Variants in WDR70 observed in about 807,000 individuals in gnomAD.
The protein encoded by WDR70 is WD repeat domain 70.
In WDR70, 53 loss-of-function variants were observed where a neutral mutation model predicts 88.6. The observed-to-expected ratio is 0.60, with a 90% CI of 0.48 to 0.75. WDR70 has a LOEUF of 0.75. Among genes scored for constraint, WDR70 ranks in the 30% least tolerant of loss-of-function variants. WDR70 has a pLI of 0.00. For synonymous variants in WDR70, 280 were observed against 270.0 expected (o/e 1.04, Z -0.36); for missense variants, 610 against 823.2 (o/e 0.74, Z 3.17).
chr5:37,613,825 A>G (rs533776110), intron 10 of WDR70, among the ~76,000 whole-genome samples: 3 of 152,330 alleles, frequency 2.0e-5, no homozygotes, highest in South Asian at 4.1e-4. Context: ...AAAAAAATCC[A>G]GAAACAAAGA....
At chr5:37,414,086 G>C (rs1428266785) in intron 5 of WDR70, among the ~76,000 whole-genome samples, 2 of 150,234 alleles carry the variant, frequency 1.3e-5, no homozygotes, top group Non-Finnish European at 3.0e-5. Flanking sequence ...CGGAGGTTGC[G>C]GTGAGCCTTG....
chr5:37,490,439 C>T (rs917714057), intron 8 of WDR70, among the ~76,000 whole-genome samples: 4 of 152,102 alleles, frequency 2.6e-5, no homozygotes, highest in African/African-American at 9.7e-5. Context: ...CAGGCAGATA[C>T]ATCTCAGTCT....
chr5:37,541,122 C>T (rs571308274), intron 9 of WDR70, among the ~76,000 whole-genome samples: 1 of 152,322 alleles, frequency 6.6e-6, no homozygotes, highest in South Asian at 2.1e-4. Flanking sequence ...AAAAGGGAAA[C>T]TGAAGTGCTT....
At chr5:37,528,941 T>A (rs2222181) in intron 9 of WDR70, among the ~76,000 whole-genome samples, 5,877 of 131,262 alleles carry the variant, frequency 0.045, 438 homozygotes, top group African/African-American at 0.15. Context: ...TCTTGTAGAA[T>A]CTTTATGGTT....
chr5:37,629,417 A>T (rs534118217), intron 10 of WDR70, among the ~76,000 whole-genome samples: 1 of 152,178 alleles, frequency 6.6e-6, no homozygotes, highest in East Asian at 1.9e-4. Context: ...CATAGTATGA[A>T]TATTTGCTTG....
At chr5:37,545,257 A>G (rs900668880) in intron 9 of WDR70, among the ~76,000 whole-genome samples, 2 of 152,084 alleles carry the variant, frequency 1.3e-5, no homozygotes, top group African/African-American at 2.4e-5. Context: ...TCTGCTTCTA[A>G]TACAGTGGAG....
At chr5:37,640,704 A>C (rs1745080920) in intron 10 of WDR70, among the ~76,000 whole-genome samples, 1 of 152,236 alleles carries the variant, frequency 6.6e-6, no homozygotes, top group Admixed American at 6.5e-5. Flanking sequence ...ATTCTGTATG[A>C]AATGAAAAAT....
chr5:37,560,033 T>G (rs554638334), intron 9 of WDR70, among the ~76,000 whole-genome samples: 1 of 152,138 alleles, frequency 6.6e-6, no homozygotes, highest in African/African-American at 2.4e-5. Context: ...ATTTTTAATG[T>G]TTTTTAGAAT....
chr5:37,626,760 T>C (rs781571600), intron 10 of WDR70, among the ~76,000 whole-genome samples: 3 of 152,160 alleles, frequency 2.0e-5, no homozygotes, highest in Non-Finnish European at 4.4e-5. Context: ...ACTTTTTTGT[T>C]GTTGAAAGAC....
chr5:37,393,136 G>A (rs568158830), intron 4 of WDR70, among the ~76,000 whole-genome samples: 36 of 152,054 alleles, frequency 2.4e-4, no homozygotes, highest in Non-Finnish European at 4.4e-4. Flanking sequence ...TCCGCCTCCC[G>A]GGTTCAAGCA....
At chr5:37,640,117 A>G (rs1475876761) in intron 10 of WDR70, among the ~76,000 whole-genome samples, 1 of 152,170 alleles carries the variant, frequency 6.6e-6, no homozygotes, top group Non-Finnish European at 1.5e-5. Flanking sequence ...GGACATTTGC[A>G]AGTGATTCTT....
At chr5:37,412,049 TAAAA>T (rs548545627) in intron 5 of WDR70, among the ~76,000 whole-genome samples, 1 of 149,902 alleles carries the variant, frequency 6.7e-6, no homozygotes, top group Non-Finnish European at 1.5e-5. Context: ...TAGAACTAAG[TAAAA>T]AAAAAATTCA....
At chr5:37,573,080 C>T (rs1742953497) in intron 9 of WDR70, among the ~76,000 whole-genome samples, 2 of 152,184 alleles carry the variant, frequency 1.3e-5, no homozygotes, top group Non-Finnish European at 2.9e-5. Context: ...AGTGAAGTTT[C>T]TCTGTTATAC....
Position 37,594,575 on chromosome 5 carries a change from T to C in WDR70, c.918-10489T>C, listed in dbSNP as rs549699696. 1.4e-4 allele frequency among the ~76,000 whole-genome samples: 22 copies of C among 152,292 alleles called. No homozygotes were observed. The East Asian group carries it at 4.1e-3, about 28-fold the overall frequency. On this transcript the variant is annotated intron_variant, in intron 9 of 17. Coordinates refer to ENST00000265107, the MANE Select transcript of WDR70 (RefSeq NM_018034.4). ...TGTAGTATAGTTTGAAGTCAGGTAG[T>C]GTGATGCCTCCAGGTTTGTTCTTTT... is the stretch of plus-strand genomic sequence containing the variant.
intron 17 of WDR70, among the ~76,000 whole-genome samples, chr5:37,728,957 T>C (rs757549784): frequency 4.6e-5 from 7 of 152,170 alleles, no homozygotes; most frequent in Non-Finnish European, 7.4e-5. Flanking sequence ...CCCACATTTT[T>C]TTATTTTTCA....
chr5:37,717,842 A>C (rs1747694139), intron 13 of WDR70, among the ~76,000 whole-genome samples: 1 of 152,226 alleles, frequency 6.6e-6, no homozygotes, highest in East Asian at 1.9e-4. Flanking sequence ...GGTTAGCTAA[A>C]CACACACAAT....
intron 10 of WDR70, among the ~76,000 whole-genome samples, chr5:37,628,461 T>G (rs1017679947): frequency 6.6e-6 from 1 of 152,228 alleles, no homozygotes; most frequent in Admixed American, 6.5e-5. Context: ...TTTATTATTA[T>G]ATAACGTACT....
chr5:37,736,193 C>A (rs192648631), intron 17 of WDR70, among the ~76,000 whole-genome samples: 2 of 152,294 alleles, frequency 1.3e-5, no homozygotes, highest in Admixed American at 6.5e-5. Context: ...GTGTGGGAGC[C>A]TGGACCCTGG....
chr5:37,619,833 TATA>T (rs1466223032), intron 10 of WDR70, among the ~76,000 whole-genome samples: 1 of 151,880 alleles, frequency 6.6e-6, no homozygotes, highest in Non-Finnish European at 1.5e-5. Context: ...AAATGTTTAT[TATA>T]ATATGTTAGA....
Sources: gnomAD v4.1 joint callset for allele counts (sites outside exome capture counted in the v4.1 genomes callset) on GRCh38, gnomAD v4.1.1 for gene constraint, MANE v1.5 for transcripts, NCBI Gene and HGNC (gene_info 2026-07-23, HGNC 2026-07-21) for gene names.